TACC2: variants seen among roughly 807,000 people sequenced by gnomAD.
TACC2 encodes the protein transforming acidic coiled-coil-containing protein 2.
TACC2 carries 137 observed loss-of-function variants against 227.3 expected under a neutral mutation model. The observed-to-expected ratio is 0.60, with a 90% CI of 0.52 to 0.69. The LOEUF is 0.69. TACC2 is among the 30% of genes least tolerant of loss of function. TACC2 has a pLI of 0.00. For missense variants in TACC2, 3,470 were observed against 3,694.4 expected (o/e 0.94, Z 1.57); for synonymous variants, 1,523 against 1,487.5 (o/e 1.02, Z -0.55).
intron 3 of TACC2, among the ~76,000 whole-genome samples, chr10:122,068,727 G>A (rs975842018): frequency 2.0e-5 from 3 of 150,974 alleles, no homozygotes; most frequent in South Asian, 2.1e-4. Flanking sequence ...GCAGTGGTGC[G>A]ATCTCGGGCC....
intron 2 of TACC2, among the ~76,000 whole-genome samples, chr10:122,027,434 C>G (rs2943763): frequency 0.37 from 55,519 of 151,850 alleles, 12,097 homozygotes; most frequent in African/African-American, 0.61. Context: ...ATTTTTGTGT[C>G]TGTGTATTTT....
Position 122,164,107 on chromosome 10 carries a change from G to T in TACC2, c.5834+20401G>T, listed in dbSNP as rs189969417. 1,400 of 1,297,866 alleles carry T rather than the reference G, an allele frequency of 1.1e-3. 4 individuals are homozygous for T. Among genetic ancestry groups the T allele is most frequent in the Middle Eastern group, 0.01 (57 of 5,440 alleles). 80.4% of individuals were successfully genotyped at this position (1,297,866 alleles called of 1,614,324 possible). A position where few individuals can be genotyped will look rare whatever the true frequency, so the allele number is the denominator to read the frequency against. Reference sequence around the variant, plus strand: ...GCAACCTGGAGCCCAGGCTGGCCTGGGGTTCTTCGCAGCCTTGGAAAGCTT... The same window carrying T: ...GCAACCTGGAGCCCAGGCTGGCCTGTGGTTCTTCGCAGCCTTGGAAAGCTT... On this transcript the variant is annotated intron_variant, in intron 7 of 22. Coordinates refer to ENST00000369005, the MANE Select transcript of TACC2 (RefSeq NM_206862.4).
rs149584577 is a variant in TACC2, at chr10:122,209,205, G to A, written c.5972-1192G>A. On this transcript the variant is annotated intron_variant, in intron 8 of 22. Coordinates refer to ENST00000369005, the MANE Select transcript of TACC2 (RefSeq NM_206862.4). This position sits in a 1 kb window ranked among gnomAD's most constrained non-coding sequence, Gnocchi z 4.5. Reference sequence around the variant, plus strand: ...GGGCCAAGGATAGGCAGGCAGGACTGAAGGAGAGGTTACAGGTGATGGCTG... The same window carrying A: ...GGGCCAAGGATAGGCAGGCAGGACTAAAGGAGAGGTTACAGGTGATGGCTG... 5.4e-4 allele frequency among the ~76,000 whole-genome samples: 83 copies of A among 152,348 alleles called. No homozygotes were observed. Among genetic ancestry groups the A allele is most frequent in the Non-Finnish European group, 7.6e-4 (52 of 68,032 alleles).
intron 7 of TACC2, among the ~76,000 whole-genome samples, chr10:122,167,142 A>C (rs2093218725): frequency 6.6e-6 from 1 of 152,206 alleles, no homozygotes; most frequent in Non-Finnish European, 1.5e-5. Flanking sequence ...ATCAGAGAGC[A>C]AAAGCGGTGG....
At chr10:122,133,551 G>A (rs568529609) in intron 6 of TACC2, among the ~76,000 whole-genome samples, 18 of 152,102 alleles carry the variant, frequency 1.2e-4, no homozygotes, top group East Asian at 5.8e-4. Flanking sequence ...ATGAATACAC[G>A]CGTGCACACA....
intron 2 of TACC2, among the ~76,000 whole-genome samples, chr10:122,029,796 C>T (rs1343271259): frequency 6.6e-6 from 1 of 151,976 alleles, no homozygotes; most frequent in East Asian, 1.9e-4. Context: ...TAGTCCTGCT[C>T]ATTAACAAAC....
intron 7 of TACC2, among the ~76,000 whole-genome samples, chr10:122,171,787 A>G (rs1241235072): frequency 6.6e-6 from 1 of 152,236 alleles, no homozygotes; most frequent in Admixed American, 6.5e-5. Context: ...TCTTTGTCCC[A>G]TGAGGAAATG....
chr10:122,216,994 A>G (rs1293891122), intron 11 of TACC2, 166 bp downstream of exon 11: 26 of 1,394,692 alleles, frequency 1.9e-5, no homozygotes, highest in Non-Finnish European at 2.4e-5. Context: ...CTGTGTTTGA[A>G]AACAGCCTGA....
At chr10:122,159,365 G>A (rs1330874259) in intron 7 of TACC2, among the ~76,000 whole-genome samples, 1 of 152,208 alleles carries the variant, frequency 6.6e-6, no homozygotes. Context: ...GAGAAAGCCC[G>A]GCACCGCACC....
At chr10:122,222,953 CAGAGTTTTAT>C (rs2095549467) in intron 11 of TACC2, among the ~76,000 whole-genome samples, 5 of 152,192 alleles carry the variant, frequency 3.3e-5, no homozygotes, top group Admixed American at 3.3e-4. Context: ...ATGATAGTCC[CAGAGTTTTAT>C]ACTTGGAAAG....
In TACC2 at chr10:122,085,317, G is replaced by A. The variant is rs1265915063; in HGVS notation, c.2817G>A (p.Gln939=). 4 of 1,613,970 alleles carry A rather than the reference G, an allele frequency of 2.5e-6. No homozygotes were observed. The highest frequency in any genetic ancestry group is 3.4e-6 in the Non-Finnish European group (4 of 1,180,056). Residue 939 remains glutamine (Q), a synonymous_variant, in exon 4 of 23, where the codon CAG becomes CAA. Coordinates refer to ENST00000369005, the MANE Select transcript of TACC2 (RefSeq NM_206862.4). Reference sequence around the variant, plus strand: ...CAGAATTGTCAGCACCAACGAGACAGAAGTTGCCTGCACTAGGGGAGAAGC... The same window carrying A: ...CAGAATTGTCAGCACCAACGAGACAAAAGTTGCCTGCACTAGGGGAGAAGC... ...EESELSAPTR[Q]KLPALGEKRP...
At chr10:121,994,241 C>T (rs752048991) in intron 1 of TACC2, among the ~76,000 whole-genome samples, 1 of 152,366 alleles carries the variant, frequency 6.6e-6, no homozygotes, top group South Asian at 2.1e-4. Flanking sequence ...TGGTGATGAC[C>T]TGTCCCTATT....
At chr10:122,076,819 A>G (rs1480678814) in intron 3 of TACC2, among the ~76,000 whole-genome samples, 1 of 152,116 alleles carries the variant, frequency 6.6e-6, no homozygotes, top group East Asian at 1.9e-4. Flanking sequence ...GAAGAAAAGA[A>G]TGTTCATGAT....
intron 5 of TACC2, among the ~76,000 whole-genome samples, chr10:122,111,443 G>A (rs1365567986): frequency 6.6e-6 from 1 of 151,112 alleles, no homozygotes; most frequent in African/African-American, 2.4e-5. Flanking sequence ...ACATGGTGGT[G>A]AGTGGTGTAT....
At chr10:122,066,409 C>T (rs2077395368) in intron 3 of TACC2, among the ~76,000 whole-genome samples, 1 of 152,060 alleles carries the variant, frequency 6.6e-6, no homozygotes, top group Non-Finnish European at 1.5e-5. Flanking sequence ...GCTGGGATTA[C>T]AGGTGTGCAC....
At chr10:122,095,392 G>T (rs528456071) in intron 5 of TACC2, among the ~76,000 whole-genome samples, 1 of 152,254 alleles carries the variant, frequency 6.6e-6, no homozygotes, top group Non-Finnish European at 1.5e-5. Context: ...CCCTTACAGC[G>T]CTGTTAAAAT....
In TACC2 at chr10:122,083,769, T is replaced by C; in HGVS notation, c.1269T>C (p.Ala423=). The C allele has an allele frequency of 6.2e-7, 1 of 1,614,126 alleles. No individual in the cohort carries two copies. ...TEEAHPASSL[A]SFPAAQIPIA... Reference sequence around the variant, plus strand: ...AAGCACATCCAGCTTCAAGCCTCGCTTCATTCCCAGCTGCTCAGATTCCTA... The same window carrying C: ...AAGCACATCCAGCTTCAAGCCTCGCCTCATTCCCAGCTGCTCAGATTCCTA... Residue 423 remains alanine, a synonymous_variant, in exon 4 of 23, where the codon GCT becomes GCC. Coordinates refer to ENST00000369005, the MANE Select transcript of TACC2 (RefSeq NM_206862.4).
chr10:122,072,816 C>T (rs2078233481), intron 3 of TACC2, among the ~76,000 whole-genome samples: 1 of 152,048 alleles, frequency 6.6e-6, no homozygotes, highest in South Asian at 2.1e-4. Context: ...TAGACTAAGA[C>T]ATAAAAATAT....
intron 7 of TACC2, among the ~76,000 whole-genome samples, chr10:122,163,229 C>T (rs1305688617): frequency 6.6e-6 from 1 of 152,008 alleles, no homozygotes; most frequent in Non-Finnish European, 1.5e-5. Context: ...CTGCCCACTG[C>T]AGCCTATTTA....
Sources: allele counts gnomAD v4.1 joint callset (sites outside exome capture counted in the v4.1 genomes callset), GRCh38; gene constraint gnomAD v4.1.1; non-coding constraint Gnocchi (gnomAD v3.1); transcripts MANE v1.5; gene names NCBI Gene and HGNC (gene_info 2026-07-23, HGNC 2026-07-21).